The following SYCP2 variants were observed in gnomAD, a reference collection of about 807,000 sequenced individuals.
SYCP2 encodes synaptonemal complex protein 2, also known as synaptonemal complex lateral element protein.
SYCP2 carries 55 observed loss-of-function variants against 211.3 expected under a neutral mutation model. The ratio of observed to expected loss-of-function variants is 0.26; its 90% CI spans 0.21 to 0.33. The LOEUF (loss-of-function observed/expected upper bound fraction) is 0.33. SYCP2 is among the 10% of genes least tolerant of loss of function. The probability of loss-of-function intolerance (pLI) is 1.00; values close to 1 mark genes in which losing one functional copy is unlikely to be tolerated. For missense variants in SYCP2, 1,731 were observed against 1,752.0 expected (o/e 0.99, Z 0.21); for synonymous variants, 570 against 555.2 (o/e 1.03, Z -0.37).
chr20:59,870,989 A>G (rs1303862054), intron 35 of SYCP2, among the ~76,000 whole-genome samples: 2 of 151,900 alleles, frequency 1.3e-5, no homozygotes, highest in African/African-American at 4.8e-5. Context: ...TTAGGGGAAG[A>G]TTTCTTAAAC....
At chr20:59,922,951 GTC>G (rs1242593662) in intron 2 of SYCP2, among the ~76,000 whole-genome samples, 1 of 151,910 alleles carries the variant, frequency 6.6e-6, no homozygotes, top group Non-Finnish European at 1.5e-5. Flanking sequence ...CATTTCATAT[GTC>G]CACAAGAGTG....
rs979885668 is a variant in SYCP2 at position 59,868,369 on chromosome 20, C to T, written c.3988+44G>A. ...GACTCATTCAAAATATAAGAACCACCCTCCAAATAACTGCATTTTGATACA... is the reference window on the plus strand; with the variant it reads ...GACTCATTCAAAATATAAGAACCACTCTCCAAATAACTGCATTTTGATACA... On this transcript the variant is annotated intron_variant, in intron 38 of 44. Transcript: ENST00000357552. The T allele has an allele frequency of 1.9e-6, 3 of 1,574,346 alleles. No homozygotes were observed. In the East Asian group the frequency reaches 6.8e-5, roughly 36 times the overall value.
intron 43 of SYCP2, 40 bp downstream of exon 43, chr20:59,865,533 A>C: frequency 6.4e-7 from 1 of 1,574,064 alleles, no homozygotes. Context: ...TTCTTTTTGT[A>C]ATCAAGAGAG....
intron 16 of SYCP2, among the ~76,000 whole-genome samples, chr20:59,901,166 CATA>C (rs1427209362): frequency 2.0e-5 from 3 of 152,034 alleles, no homozygotes; most frequent in Non-Finnish European, 4.4e-5. Flanking sequence ...ATATTTGGCT[CATA>C]ATGTCTTCCA....
At chr20:59,904,419 G>T (rs959116006) in intron 15 of SYCP2, among the ~76,000 whole-genome samples, 1 of 152,014 alleles carries the variant, frequency 6.6e-6, no homozygotes, top group Non-Finnish European at 1.5e-5. Flanking sequence ...CAACAGACTG[G>T]GATGGCCACA....
In SYCP2 at chr20:59,900,143, GCTGA is replaced by G; in HGVS notation, c.1395_1398del (p.Gln466LeufsTer16). On this transcript the variant is annotated frameshift_variant, in exon 18 of 45. Coordinates refer to ENST00000357552, the MANE Select transcript of SYCP2 (RefSeq NM_014258.4). LOFTEE classifies it high-confidence loss of function. Reference sequence around the variant, plus strand: ...TATTTTGACACCATCTTTACCTCAAGCTGACTATTATTTCTATTCCCTTTGTCAC... The same window carrying G: ...TATTTTGACACCATCTTTACCTCAAGCTATTATTTCTATTCCCTTTGTCAC... The G allele has an allele frequency of 6.2e-7, 1 of 1,612,854 alleles. No individual in the cohort carries two copies. The highest frequency in any genetic ancestry group is 8.5e-7 in the Non-Finnish European group (1 of 1,179,246).
At chr20:59,901,002 C>G (rs2060105512) in intron 16 of SYCP2, among the ~76,000 whole-genome samples, 184 bp from the exon 17 acceptor site, 2 of 151,912 alleles carry the variant, frequency 1.3e-5, no homozygotes, top group Admixed American at 6.6e-5. Flanking sequence ...CCCCTTTAAC[C>G]AGTCACCTTA....
intron 19 of SYCP2, among the ~76,000 whole-genome samples, chr20:59,896,045 AAGAT>A (rs1291798451): frequency 7.2e-5 from 11 of 152,078 alleles, no homozygotes; most frequent in African/African-American, 2.2e-4. Context: ...ACAACTTGAT[AAGAT>A]AGATACTTAA....
chr20:59,880,673 T>C (rs1301490424), intron 30 of SYCP2, among the ~76,000 whole-genome samples: 2 of 151,746 alleles, frequency 1.3e-5, no homozygotes, highest in Non-Finnish European at 3.0e-5. Context: ...GATCAGATAA[T>C]GATATTTGTA....
At chr20:59,914,349 A>C (rs184684782) in intron 10 of SYCP2, 98 bp from the exon 11 acceptor site, 1 of 603,660 alleles carries the variant, frequency 1.7e-6, no homozygotes, top group Non-Finnish European at 2.7e-6. Flanking sequence ...CAAGAGAAAT[A>C]AGAATATATT....
intron 31 of SYCP2, among the ~76,000 whole-genome samples, chr20:59,879,784 G>A (rs2059630841): frequency 7.0e-6 from 1 of 143,396 alleles, no homozygotes; most frequent in Admixed American, 7.1e-5. Context: ...TGCGTGTTGG[G>A]TGCAGCAAGA....
chr20:59,916,037 CAT>C (rs1369574421), intron 8 of SYCP2, among the ~76,000 whole-genome samples: 4 of 151,922 alleles, frequency 2.6e-5, no homozygotes, highest in African/African-American at 7.2e-5. Flanking sequence ...ATAAAAACAA[CAT>C]AAACTATAGA....
At chr20:59,927,319 T>G (rs2060651571) in intron 2 of SYCP2, among the ~76,000 whole-genome samples, 1 of 152,146 alleles carries the variant, frequency 6.6e-6, no homozygotes, top group Non-Finnish European at 1.5e-5. Flanking sequence ...TACATTCAAA[T>G]TTGTTGGCAT....
Position 59,919,194 on chromosome 20 carries a change from T to C in SYCP2, c.403-12A>G. ...ACATCATGTATGACCTGAAAAAAAGTGAATAATATTTAATTTACAAGTTAC... is the reference window on the plus strand; with the variant it reads ...ACATCATGTATGACCTGAAAAAAAGCGAATAATATTTAATTTACAAGTTAC... On this transcript the variant is annotated splice_polypyrimidine_tract_variant and intron_variant, in intron 6 of 44. Transcript: ENST00000357552. 8.3e-7 allele frequency: 1 copy of C among 1,200,770 alleles called. No individual in the cohort carries two copies. The allele number at this position is 1,200,770 out of a possible 1,614,324, so 74.4% of individuals were successfully genotyped here.
intron 2 of SYCP2, among the ~76,000 whole-genome samples, chr20:59,927,719 CCT>C (rs72056167): frequency 6.6e-6 from 1 of 152,066 alleles, no homozygotes; most frequent in Non-Finnish European, 1.5e-5. Flanking sequence ...ATACCATCGG[CCT>C]CTCTCTATTT....
chr20:59,868,828 T>G lies in SYCP2; in HGVS notation c.3832+7A>C. ...ATTTTTTAAAAAGCAAGACTATGAC[T>G]ACAAACCTGATACATGAGTAGCATC... On this transcript the variant is annotated splice_region_variant and intron_variant, in intron 37 of 44. Coordinates refer to ENST00000357552, the MANE Select transcript of SYCP2 (RefSeq NM_014258.4). The G allele has an allele frequency of 6.2e-7, 1 of 1,601,646 alleles. No individual in the cohort carries two copies. Among genetic ancestry groups the G allele is most frequent in the Non-Finnish European group, 8.5e-7 (1 of 1,173,948 alleles).
At chr20:59,866,466 A>C (rs2059337467) in intron 40 of SYCP2, 29 bp downstream of exon 40, 1 of 1,587,064 alleles carries the variant, frequency 6.3e-7, no homozygotes, top group African/African-American at 1.4e-5. Flanking sequence ...AGCATTCAAA[A>C]GTTTTCAGAA....
intron 34 of SYCP2, among the ~76,000 whole-genome samples, chr20:59,874,265 A>G (rs1374303959): frequency 6.6e-6 from 1 of 152,110 alleles, no homozygotes; most frequent in Non-Finnish European, 1.5e-5. Flanking sequence ...CTGAATTTAA[A>G]ATGTACTTGT....
Position 59,866,554 on chromosome 20 carries a change from C to T in SYCP2, c.4161G>A (p.Gln1387=), listed in dbSNP as rs780673984. Residue 1387 remains glutamine (Q), a synonymous_variant, in exon 40 of 45, where the codon CAG becomes CAA. Transcript: ENST00000357552. ...GATGTTGCTGAGCTGTTTTCCAAGA[C>T]TGCGTAGTAAAATAACTCAACATTT... ...RHKMLSYFTT[Q]SWKTAQQHLR... 7 of 1,605,190 alleles carry T rather than the reference C, an allele frequency of 4.4e-6. No individual in the cohort carries two copies. In the Admixed American group the frequency reaches 1.0e-4, roughly 24 times the overall value.
Sources: allele counts gnomAD v4.1 joint callset (sites outside exome capture counted in the v4.1 genomes callset), GRCh38; gene constraint gnomAD v4.1.1; transcripts MANE v1.5; gene names NCBI Gene and HGNC (gene_info 2026-07-23, HGNC 2026-07-21).